Variants in SLC8A1 observed in about 807,000 individuals in gnomAD.
SLC8A1 encodes sodium/calcium exchanger 1.
In SLC8A1, 18 loss-of-function variants were observed where a neutral mutation model predicts 68.3. That is an observed-to-expected ratio of 0.26 (90% CI 0.18 to 0.39). SLC8A1 has a LOEUF of 0.39. Ranked by LOEUF, SLC8A1 falls within the 10% of genes least tolerant of loss-of-function variation. The pLI, the probability that SLC8A1 is intolerant of heterozygous loss-of-function variation, is 1.00. For synonymous variants in SLC8A1, 475 were observed against 415.5 expected, an observed-to-expected ratio of 1.14 and a Z score of -1.74; for missense variants, 985 against 1,156.7, an observed-to-expected ratio of 0.85 and a Z score of 2.15.
intron 6 of SLC8A1, among the ~76,000 whole-genome samples, chr2:40,150,651 G>C (rs557397342): frequency 3.9e-5 from 6 of 152,322 alleles, no homozygotes; most frequent in Admixed American, 6.5e-5. Flanking sequence ...ATACAAATAA[G>C]AGTGCTGAAT....
At chr2:40,164,630 T>A (rs2046245069) in intron 5 of SLC8A1, among the ~76,000 whole-genome samples, 1 of 152,172 alleles carries the variant, frequency 6.6e-6, no homozygotes, top group Admixed American at 6.5e-5. Context: ...CATAGATGTC[T>A]CCTGCTGGGC....
At chr2:40,452,219 G>T (rs1702649882), upstream of SLC8A1, 1 of 149,152 alleles carries the variant, frequency 6.7e-6, no homozygotes. Context: ...CCGCAGCCTC[G>T]CACTCGCTCA....
At chr2:40,501,847 C>G (rs921343201) in intron 1 of SLC8A1, among the ~76,000 whole-genome samples, 4 of 152,020 alleles carry the variant, frequency 2.6e-5, no homozygotes, top group Non-Finnish European at 4.4e-5. Flanking sequence ...CCTGTGGATG[C>G]AGAGTGTCCC....
chr2:40,512,221 T>TG (rs1273875536), intron 1 of SLC8A1: 3 of 152,268 alleles, frequency 2.0e-5, no homozygotes, highest in East Asian at 3.8e-4. Flanking sequence ...CAACCTATTT[T>TG]TTTGTTTGTT....
At chr2:40,250,530 G>C (rs2062574479) in intron 2 of SLC8A1, 3 of 152,030 alleles carry the variant, frequency 2.0e-5, no homozygotes, top group Non-Finnish European at 2.9e-5. Flanking sequence ...GCGTGGGGGG[G>C]CGGTGTCAGG....
At chr2:40,140,364 T>C (rs2041314724) in intron 6 of SLC8A1, among the ~76,000 whole-genome samples, 1 of 152,202 alleles carries the variant, frequency 6.6e-6, no homozygotes. Context: ...TTATCCTTCC[T>C]CACCCATCCT....
intron 2 of SLC8A1, among the ~76,000 whole-genome samples, chr2:40,323,816 G>A (rs2075494920): frequency 2.0e-5 from 3 of 152,062 alleles, no homozygotes; most frequent in Non-Finnish European, 2.9e-5. Context: ...AGTGATGCCA[G>A]AAAACTCAGT....
chr2:40,380,958 T>C (rs1394645587), intron 2 of SLC8A1, among the ~76,000 whole-genome samples: 1 of 152,106 alleles, frequency 6.6e-6, no homozygotes, highest in African/African-American at 2.4e-5. Context: ...CTCCTCTCTC[T>C]GACTCACTGA....
At chr2:40,151,052 C>T (rs1223925011) in intron 6 of SLC8A1, among the ~76,000 whole-genome samples, 1 of 152,168 alleles carries the variant, frequency 6.6e-6, no homozygotes, top group African/African-American at 2.4e-5. Context: ...TCATCATTAT[C>T]AGCTACATAA....
At chr2:40,487,429 T>C (rs1316107629) in intron 1 of SLC8A1, among the ~76,000 whole-genome samples, 1 of 152,210 alleles carries the variant, frequency 6.6e-6, no homozygotes, top group Non-Finnish European at 1.5e-5. Flanking sequence ...TTAAAAATTC[T>C]ACAATTAAGA....
chr2:40,312,216 C>T (rs1559195189), intron 2 of SLC8A1, among the ~76,000 whole-genome samples: 1 of 152,094 alleles, frequency 6.6e-6, no homozygotes, highest in Non-Finnish European at 1.5e-5. Context: ...CCACCTTTAC[C>T]TCATAGGAAA....
intron 2 of SLC8A1, among the ~76,000 whole-genome samples, chr2:40,325,664 G>T (rs144364874): frequency 6.6e-6 from 1 of 150,840 alleles, no homozygotes; most frequent in African/African-American, 2.4e-5. Flanking sequence ...CTCTTGGGCC[G>T]GGCGCACGCC....
rs1423281768 is a variant in SLC8A1 at position 40,177,069 on chromosome 2, T to A, written c.1912+683A>T. Among the ~76,000 whole-genome samples, 3 of 152,272 alleles carry A rather than the reference T, an allele frequency of 2.0e-5. No individual in the cohort carries two copies. In the South Asian group the frequency reaches 6.2e-4, roughly 32 times the overall value. On this transcript the variant is annotated intron_variant, in intron 3 of 7. Coordinates refer to ENST00000406785, the Ensembl canonical transcript of SLC8A1. ...TTTTTCTTTTTTTTATATGTGTTAA[T>A]AATTTACTAATTCTGTAATTATCAA...
chr2:40,122,569 C>A (rs2037148367), intron 7 of SLC8A1, among the ~76,000 whole-genome samples: 1 of 152,156 alleles, frequency 6.6e-6, no homozygotes, highest in Non-Finnish European at 1.5e-5. Flanking sequence ...AGCAGGACAA[C>A]TTTTGAAAAC....
chr2:40,458,287 G>C (rs1161982355), intron 1 of SLC8A1, among the ~76,000 whole-genome samples: 1 of 152,122 alleles, frequency 6.6e-6, no homozygotes, highest in Non-Finnish European at 1.5e-5. Flanking sequence ...TCCCTAAGGG[G>C]CAGGTAATGT....
chr2:40,337,746 T>C (rs946330761), intron 2 of SLC8A1, among the ~76,000 whole-genome samples: 4 of 152,216 alleles, frequency 2.6e-5, no homozygotes, highest in African/African-American at 7.2e-5. Flanking sequence ...CTTCTATTCA[T>C]GGAGAAATAT....
chr2:40,126,788 CTG>C (rs1379433214), intron 7 of SLC8A1, among the ~76,000 whole-genome samples: 2 of 152,178 alleles, frequency 1.3e-5, no homozygotes, highest in South Asian at 2.1e-4. Flanking sequence ...TGTTCATCCT[CTG>C]TGCTACCTGA....
At position 40,345,754 on chromosome 2, in the gene SLC8A1, A is replaced by G. The variant is rs547429897; in HGVS notation, c.1808+82719T>C. Among the ~76,000 whole-genome samples, 282 of 152,208 alleles carry G rather than the reference A, an allele frequency of 1.9e-3. 2 individuals carry two copies. Among genetic ancestry groups the G allele is most frequent in the African/African-American group, 6.5e-3 (269 of 41,546 alleles). On this transcript the variant is annotated intron_variant, in intron 2 of 7. Coordinates refer to ENST00000406785, the Ensembl canonical transcript of SLC8A1. Reference sequence around the variant, plus strand: ...CCAACTAACACAGGAACAGAAAACCAAACACTGCATGTTCTCAGTCATAAG... The same window carrying G: ...CCAACTAACACAGGAACAGAAAACCGAACACTGCATGTTCTCAGTCATAAG...
intron 2 of SLC8A1, among the ~76,000 whole-genome samples, chr2:40,333,929 T>C (rs1406475534): frequency 6.6e-6 from 1 of 152,082 alleles, no homozygotes; most frequent in Non-Finnish European, 1.5e-5. Context: ...ACACCTGTAA[T>C]CTCAGCTACT....
Sources: allele counts gnomAD v4.1 joint callset (sites outside exome capture counted in the v4.1 genomes callset), GRCh38; gene constraint gnomAD v4.1.1; transcripts MANE v1.5; gene names NCBI Gene and HGNC (gene_info 2026-07-23, HGNC 2026-07-21).